PRKN: variants seen among roughly 807,000 people sequenced by gnomAD.
PRKN encodes E3 ubiquitin-protein ligase parkin.
A neutral mutation model predicts 59.5 loss-of-function variants in PRKN; 56 were observed. The ratio of observed to expected loss-of-function variants is 0.94; its 90% confidence interval spans 0.76 to 1.18. The LOEUF (loss-of-function observed/expected upper bound fraction) is 1.18, where lower values mean the gene tolerates loss of function less well. Among genes scored for constraint, PRKN ranks in the 50% most tolerant of loss-of-function variants. The pLI is 0.00. For synonymous variants in PRKN, 250 were observed against 222.1 expected (o/e 1.13, Z -1.12); for missense variants, 657 against 596.4 (o/e 1.10, Z -1.06).
At chr6:162,266,999 C>G (rs572035809) in intron 2 of PRKN, among the ~76,000 whole-genome samples, 1 of 152,242 alleles carries the variant, frequency 6.6e-6, no homozygotes, top group East Asian at 1.9e-4. Flanking sequence ...AAAAATAATT[C>G]CTATATCACC....
At chr6:162,534,462 T>G (rs4273664) in intron 1 of PRKN, among the ~76,000 whole-genome samples, 14,067 of 152,182 alleles carry the variant, frequency 0.092, 762 homozygotes, top group Middle Eastern at 0.18. Flanking sequence ...CACGGTGCTT[T>G]GCAATGTAAT....
chr6:162,519,383 G>C (rs1393246059), intron 1 of PRKN, among the ~76,000 whole-genome samples: 1 of 152,040 alleles, frequency 6.6e-6, no homozygotes, highest in African/African-American at 2.4e-5. Flanking sequence ...CAGGGCTCTG[G>C]GCCAGTTACT....
intron 7 of PRKN, among the ~76,000 whole-genome samples, chr6:161,640,076 C>G (rs1300842734): frequency 6.6e-6 from 1 of 152,208 alleles, no homozygotes; most frequent in Non-Finnish European, 1.5e-5. Context: ...TGTGCTTAGG[C>G]TAACCAGCAC....
chr6:162,012,453 T>C lies in PRKN; in HGVS notation c.619-39036A>G, dbSNP rs1026029464. Reference sequence around the variant, plus strand: ...TAATGTACATTATTATATATCTTTATGTATGTAATTACTTTTTCTAAACCA... The same window carrying C: ...TAATGTACATTATTATATATCTTTACGTATGTAATTACTTTTTCTAAACCA... On this transcript the variant is annotated intron_variant, in intron 5 of 11. Transcript: ENST00000366898. 3.3e-5 allele frequency among the ~76,000 whole-genome samples: 5 copies of C among 151,980 alleles called. 1 individual carries two copies. The highest frequency in any genetic ancestry group is 3.8e-4 in the East Asian group (2 of 5,196).
intron 1 of PRKN, among the ~76,000 whole-genome samples, chr6:162,444,344 C>CCATA (rs1347006941): frequency 6.6e-6 from 1 of 152,152 alleles, no homozygotes; most frequent in Non-Finnish European, 1.5e-5. Context: ...TAATACAGAG[C>CCATA]TATGTCACAC....
intron 1 of PRKN, among the ~76,000 whole-genome samples, chr6:162,510,409 C>G (rs368769468): frequency 1.7e-4 from 26 of 152,230 alleles, no homozygotes; most frequent in African/African-American, 6.0e-4. Flanking sequence ...GGGCGACACT[C>G]CTAGGTAAGT....
chr6:161,615,309 A>G (rs1212990502), intron 7 of PRKN, among the ~76,000 whole-genome samples: 1 of 152,098 alleles, frequency 6.6e-6, no homozygotes, highest in Admixed American at 6.5e-5. Flanking sequence ...CCCCAAAGCT[A>G]TTATTAATAT....
chr6:162,712,016 T>G (rs1016705497), intron 1 of PRKN, among the ~76,000 whole-genome samples: 2 of 152,204 alleles, frequency 1.3e-5, no homozygotes, highest in Non-Finnish European at 2.9e-5. Flanking sequence ...GGCTTCATCC[T>G]GCTGCTTAGG....
chr6:162,392,588 T>C (rs981634363), intron 2 of PRKN, among the ~76,000 whole-genome samples: 2 of 152,206 alleles, frequency 1.3e-5, no homozygotes, highest in African/African-American at 4.8e-5. Flanking sequence ...TCTGTACTTA[T>C]AGGTGAATTA....
At chr6:161,585,458 G>A (rs1781487907) in intron 7 of PRKN, among the ~76,000 whole-genome samples, 1 of 152,172 alleles carries the variant, frequency 6.6e-6, no homozygotes, top group South Asian at 2.1e-4. Flanking sequence ...TTTGCAGATA[G>A]ATATGTCATA....
chr6:161,416,007 T>G (rs1408573591), intron 9 of PRKN, among the ~76,000 whole-genome samples: 7 of 152,070 alleles, frequency 4.6e-5, no homozygotes, highest in Non-Finnish European at 8.8e-5. Flanking sequence ...ACCTTCTCGA[T>G]GAAGTTTACT....
chr6:162,124,680 C>T (rs568601660), intron 4 of PRKN, among the ~76,000 whole-genome samples: 4 of 152,118 alleles, frequency 2.6e-5, no homozygotes, highest in Non-Finnish European at 5.9e-5. Flanking sequence ...TGAGAACTGT[C>T]TAACATCCAA....
chr6:162,191,133 G>A (rs1784261590), intron 4 of PRKN, among the ~76,000 whole-genome samples: 1 of 152,156 alleles, frequency 6.6e-6, no homozygotes, highest in South Asian at 2.1e-4. Context: ...TCAGGAAAGT[G>A]GGCTAAAACG....
At chr6:162,448,746 C>T (rs772050022) in intron 1 of PRKN, among the ~76,000 whole-genome samples, 1 of 152,084 alleles carries the variant, frequency 6.6e-6, no homozygotes, top group Non-Finnish European at 1.5e-5. Context: ...ATGGATATGT[C>T]ATCAACTCCC....
rs186679546 is a variant in PRKN, at chr6:161,972,686, A to G, written c.734+616T>C. Among the ~76,000 whole-genome samples the G allele has an allele frequency of 3.3e-5, 5 of 152,334 alleles. No individual in the cohort carries two copies. In the East Asian group the frequency reaches 9.6e-4, roughly 29 times the overall value. ...TGGAGAACTGAAATGTATGGAAAAG[A>G]CATTTTAAAAATAAAATGTATGGGC... On this transcript the variant is annotated intron_variant, in intron 6 of 11. Transcript: ENST00000366898.
intron 5 of PRKN, among the ~76,000 whole-genome samples, chr6:162,013,285 A>G (rs937425321): frequency 2.0e-5 from 3 of 152,156 alleles, no homozygotes; most frequent in Non-Finnish European, 2.9e-5. Context: ...CCCCTAGAGT[A>G]GCCAATGGGA....
intron 5 of PRKN, among the ~76,000 whole-genome samples, chr6:161,974,933 T>C (rs1213427873): frequency 6.6e-6 from 1 of 152,138 alleles, no homozygotes; most frequent in African/African-American, 2.4e-5. Flanking sequence ...TGCAAATGAA[T>C]GGGTGTGGCT....
At position 162,401,051 on chromosome 6, in the gene PRKN, C is replaced by G. The variant is rs115841021; in HGVS notation, c.171+42259G>C. Reference sequence around the variant, plus strand: ...ACACAAGGCAACCCACGCTGTGCATCTGAACTGATGCTCAGAGAAAAATTC... The same window carrying G: ...ACACAAGGCAACCCACGCTGTGCATGTGAACTGATGCTCAGAGAAAAATTC... On this transcript the variant is annotated intron_variant, in intron 2 of 11. Transcript: ENST00000366898. Among the ~76,000 whole-genome samples the G allele has an allele frequency of 2.0e-3, 308 of 152,208 alleles. 1 individual carries two copies. Among genetic ancestry groups the G allele is most frequent in the African/African-American group, 7.1e-3 (295 of 41,558 alleles).
chr6:162,384,707 A>C (rs2128141995), intron 2 of PRKN, among the ~76,000 whole-genome samples: 1 of 152,022 alleles, frequency 6.6e-6, no homozygotes, highest in South Asian at 2.1e-4. Context: ...GCTAAAGGGA[A>C]GCATGGTAAA....
Sources: allele counts gnomAD v4.1 joint callset (sites outside exome capture counted in the v4.1 genomes callset), GRCh38; gene constraint gnomAD v4.1.1; transcripts MANE v1.5; gene names NCBI Gene and HGNC (gene_info 2026-07-23, HGNC 2026-07-21).